Variants in PRUNE2 observed in about 807,000 individuals in gnomAD.
PRUNE2 encodes protein prune homolog 2.
A neutral mutation model predicts 252.0 loss-of-function variants in PRUNE2; 164 were observed. That is an observed-to-expected ratio of 0.65 (90% CI 0.57 to 0.74). PRUNE2 has a LOEUF of 0.74. Among genes scored for constraint, PRUNE2 ranks in the 30% least tolerant of loss-of-function variants. PRUNE2 has a pLI of 0.00. For synonymous variants in PRUNE2, 1,292 were observed against 1,350.2 expected (o/e 0.96, Z 0.94); for missense variants, 3,495 against 3,711.0 (o/e 0.94, Z 1.51).
intron 1 of PRUNE2, among the ~76,000 whole-genome samples, chr9:76,861,856 A>T (rs2060569429): frequency 6.8e-6 from 1 of 146,650 alleles, no homozygotes; most frequent in Admixed American, 6.9e-5. Flanking sequence ...ACAGTTTTGG[A>T]AGCAGCACCA....
chr9:76,713,783 C>A, intron 6 of PRUNE2, 62 bp from the exon 7 acceptor site: 1 of 1,223,316 alleles, frequency 8.2e-7, no homozygotes, highest in Non-Finnish European at 1.2e-6. Context: ...GGAGTTGTTC[C>A]ACAAATTTGT....
chr9:76,828,260 A>G (rs1218700258), intron 4 of PRUNE2, among the ~76,000 whole-genome samples: 1 of 152,218 alleles, frequency 6.6e-6, no homozygotes, highest in African/African-American at 2.4e-5. Context: ...GCCTGTGCAA[A>G]GGCACTGAGG....
At chr9:76,783,501 A>G (rs2054646165) in intron 6 of PRUNE2, among the ~76,000 whole-genome samples, 1 of 152,186 alleles carries the variant, frequency 6.6e-6, no homozygotes, top group African/African-American at 2.4e-5. Flanking sequence ...CAGGCACTGC[A>G]CTAGTGACTT....
At chr9:76,713,465 G>T in intron 7 of PRUNE2, 98 bp downstream of exon 7, 1 of 930,796 alleles carries the variant, frequency 1.1e-6, no homozygotes, top group Non-Finnish European at 1.5e-6. Context: ...TGGGCTAATT[G>T]CTCATGAGCC....
At chr9:76,675,075 A>T (rs1403030288) in intron 9 of PRUNE2, among the ~76,000 whole-genome samples, 1 of 87,134 alleles carries the variant, frequency 1.1e-5, no homozygotes, top group Admixed American at 1.3e-4. Flanking sequence ...GGATCTAATT[A>T]AACTAAAGAG....
intron 6 of PRUNE2, among the ~76,000 whole-genome samples, chr9:76,747,817 A>G (rs1423322741): frequency 2.7e-5 from 4 of 146,868 alleles, no homozygotes; most frequent in African/African-American, 1.0e-4. Context: ...TTTTTTGGAG[A>G]AGAAGTCTTG....
At chr9:76,636,430 C>G (rs1564397947) in intron 15 of PRUNE2, 41 bp downstream of exon 15, 2 of 1,059,040 alleles carry the variant, frequency 1.9e-6, no homozygotes, top group Admixed American at 2.2e-5. Context: ...TTTTTTAAAA[C>G]TACTAGTAGT....
chr9:76,863,889 T>G (rs1169428780), intron 1 of PRUNE2, among the ~76,000 whole-genome samples: 3 of 152,168 alleles, frequency 2.0e-5, no homozygotes, highest in African/African-American at 7.2e-5. Flanking sequence ...CTTGGAGATT[T>G]CTCAAAGAAC....
rs539152634 is a variant in PRUNE2, at chr9:76,870,807, A to AAC, written c.37-16600_37-16599insGT. ...GCAGGTTTGACATCATCATATCCCC[A>AAC]TAACTGAAGCAAATCCCCATAACTG... On this transcript the variant is annotated intron_variant, in intron 1 of 18. Transcript: ENST00000376718. Among the ~76,000 whole-genome samples the AAC allele has an allele frequency of 6.4e-3, 982 of 152,276 alleles. 10 individuals are homozygous for AAC. Among genetic ancestry groups the AAC allele is most frequent in the African/African-American group, 0.022 (930 of 41,540 alleles).
chr9:76,787,581 G>A (rs59682576), intron 6 of PRUNE2: 89 of 152,218 alleles, frequency 5.8e-4, no homozygotes, highest in African/African-American at 2.1e-3. Context: ...CCTTTGCCAT[G>A]TTTGTTAGCC....
chr9:76,872,050 C>T (rs571541223), intron 1 of PRUNE2, among the ~76,000 whole-genome samples: 1 of 152,128 alleles, frequency 6.6e-6, no homozygotes, highest in African/African-American at 2.4e-5. Flanking sequence ...TATTGTTTGG[C>T]CCCACCTAGA....
chr9:76,663,160 C>A (rs116458001), intron 9 of PRUNE2, among the ~76,000 whole-genome samples: 50 of 152,282 alleles, frequency 3.3e-4, no homozygotes, highest in African/African-American at 1.1e-3. Flanking sequence ...CACACTTTGC[C>A]TAATCAAGCT....
At chr9:76,649,643 T>TAGAC (rs1276301453) in intron 11 of PRUNE2, among the ~76,000 whole-genome samples, 3 of 150,754 alleles carry the variant, frequency 2.0e-5, no homozygotes, top group African/African-American at 7.4e-5. Flanking sequence ...GATAGATAGA[T>TAGAC]AGAATAGGCT....
intron 6 of PRUNE2, among the ~76,000 whole-genome samples, chr9:76,765,909 G>A (rs939155803): frequency 2.6e-5 from 4 of 152,118 alleles, no homozygotes; most frequent in Admixed American, 6.5e-5. Flanking sequence ...GAGGCCAGAC[G>A]CGGTGGCTCA....
At chr9:76,877,092 T>C (rs1454569602) in intron 1 of PRUNE2, among the ~76,000 whole-genome samples, 1 of 151,992 alleles carries the variant, frequency 6.6e-6, no homozygotes. Context: ...CAAATGATCA[T>C]TAAGATTCCC....
chr9:76,767,200 C>A (rs1589107006), intron 6 of PRUNE2, among the ~76,000 whole-genome samples: 1 of 152,126 alleles, frequency 6.6e-6, no homozygotes, highest in Admixed American at 6.5e-5. Context: ...GCCTGTAATC[C>A]CAGCACTTTG....
Position 76,706,613 on chromosome 9 carries a change from A to G in PRUNE2, c.5661T>C (p.Phe1887=). Residue 1887 remains phenylalanine (F), a synonymous_variant, in exon 8 of 19, where the codon TTT becomes TTC. Transcript: ENST00000376718. The part of the protein sequence containing the change: ...EPVETHYTNP[F]SDNHQSPFLE... ...GAAAGGGTGACTGATGGTTGTCACT[A>G]AAAGGATTAGTATAGTGTGTTTCCA... The G allele has an allele frequency of 1.2e-6, 2 of 1,613,956 alleles. No homozygotes were observed.
chr9:76,649,590 T>TATAGATAG (rs1332414510), intron 11 of PRUNE2, among the ~76,000 whole-genome samples: 78 of 129,452 alleles, frequency 6.0e-4, no homozygotes, highest in Middle Eastern at 3.8e-3. Flanking sequence ...TGTCTTAAAG[T>TATAGATAG]ATAGATAGAT....
chr9:76,885,800 CAG>C (rs1194028492), intron 1 of PRUNE2, among the ~76,000 whole-genome samples: 1 of 152,058 alleles, frequency 6.6e-6, no homozygotes, highest in Non-Finnish European at 1.5e-5. Context: ...ATGGGGATAA[CAG>C]TACCTACCAA....
Sources: allele counts gnomAD v4.1 joint callset (sites outside exome capture counted in the v4.1 genomes callset), GRCh38; gene constraint gnomAD v4.1.1; transcripts MANE v1.5; gene names NCBI Gene and HGNC (gene_info 2026-07-23, HGNC 2026-07-21).